Variants in HIPK2 observed in about 807,000 individuals in gnomAD.
The protein encoded by HIPK2 is homeodomain-interacting protein kinase 2.
HIPK2 carries 27 observed loss-of-function variants against 113.7 expected under a neutral mutation model. The ratio of observed to expected loss-of-function variants is 0.24; its 90% CI spans 0.17 to 0.33. The LOEUF (loss-of-function observed/expected upper bound fraction) is 0.33, where lower values mean the gene tolerates loss of function less well. HIPK2 is among the 10% of genes least tolerant of loss of function. The pLI is 1.00. For missense variants in HIPK2, 1,257 were observed against 1,588.0 expected, an observed-to-expected ratio of 0.79 and a Z score of 3.54; for synonymous variants, 631 against 642.2, an observed-to-expected ratio of 0.98 and a Z score of 0.26.
intron 2 of HIPK2, among the ~76,000 whole-genome samples, chr7:139,689,356 T>G (rs1028165939): frequency 6.6e-6 from 1 of 152,216 alleles, no homozygotes; most frequent in African/African-American, 2.4e-5. Flanking sequence ...AGGATTAAGA[T>G]TTAGGCAGTC....
In HIPK2 at chr7:139,683,680, T is replaced by TGGCAATGGCATTCATACCATTGGCA. The variant is rs1794126080; in HGVS notation, c.1103+32227_1103+32251dup. On this transcript the variant is annotated intron_variant, in intron 2 of 14. Transcript: ENST00000406875. This position sits in a 1 kb window ranked among gnomAD's most constrained non-coding sequence, Gnocchi z 4.2. ...GAGGTTGGCTGCCACTGTCATACCC[T>TGGCAATGGCATTCATACCATTGGCA]GGCAATGGCATTCATACCATTGGCA... Among the ~76,000 whole-genome samples, 1 of 152,128 alleles carries TGGCAATGGCATTCATACCATTGGCA rather than the reference T, an allele frequency of 6.6e-6. No homozygotes were observed. The highest frequency in any genetic ancestry group is 1.5e-5 in the Non-Finnish European group (1 of 68,010).
chr7:139,701,886 G>T, intron 2 of HIPK2, among the ~76,000 whole-genome samples: 1 of 152,188 alleles, frequency 6.6e-6, no homozygotes, highest in East Asian at 1.9e-4. Context: ...CGTGCAGACT[G>T]GAACGGACGG....
intron 2 of HIPK2, among the ~76,000 whole-genome samples, chr7:139,700,522 C>G (rs1401932914): frequency 6.6e-6 from 1 of 152,256 alleles, no homozygotes; most frequent in Non-Finnish European, 1.5e-5. Flanking sequence ...AAATAGAGAG[C>G]CATGCACCCA....
intron 2 of HIPK2, among the ~76,000 whole-genome samples, chr7:139,707,709 G>A (rs1794943491): frequency 6.6e-6 from 1 of 152,222 alleles, no homozygotes; most frequent in African/African-American, 2.4e-5. Flanking sequence ...CACAGTGTAT[G>A]GCACATCTTC....
At chr7:139,607,297 A>G (rs1024470853) in intron 9 of HIPK2, among the ~76,000 whole-genome samples, 5 of 152,074 alleles carry the variant, frequency 3.3e-5, no homozygotes, top group African/African-American at 1.2e-4. Context: ...AACAGAGAAA[A>G]TGGAGGGGAA....
Position 139,683,101 on chromosome 7 carries a change from G to T in HIPK2, c.1103+32831C>A, listed in dbSNP as rs1046138164. On this transcript the variant is annotated intron_variant, in intron 2 of 14. Transcript: ENST00000406875. This position sits in a 1 kb window ranked among gnomAD's most constrained non-coding sequence, Gnocchi z 4.2. ...CGCCACTCAGTAAGGTCACTCCTGG[G>T]TTGATGAACAAAACCTTGCTGTTTG... Among the ~76,000 whole-genome samples, 1 of 152,296 alleles carries T rather than the reference G, an allele frequency of 6.6e-6. No individual in the cohort carries two copies. The highest frequency in any genetic ancestry group is 2.1e-4 in the South Asian group (1 of 4,818).
intron 2 of HIPK2, among the ~76,000 whole-genome samples, chr7:139,696,355 T>C (rs1391445810): frequency 2.0e-5 from 3 of 152,102 alleles, no homozygotes; most frequent in African/African-American, 7.2e-5. Context: ...GGAGGATCAC[T>C]TGAGGCCAGG....
At chr7:139,670,350 G>A (rs1802219447) in intron 2 of HIPK2, among the ~76,000 whole-genome samples, 1 of 151,990 alleles carries the variant, frequency 6.6e-6, no homozygotes, top group African/African-American at 2.4e-5. Flanking sequence ...GTGGTAGGCT[G>A]AAGAGGGAGG....
intron 2 of HIPK2, among the ~76,000 whole-genome samples, chr7:139,704,435 AACATACACACCCCCAACACATACC>A (rs1363483100): frequency 1.4e-5 from 2 of 140,636 alleles, no homozygotes; most frequent in African/African-American, 2.7e-5. Flanking sequence ...CACTATACCC[AACATACACACCCCCAACACATACC>A]ACACACACAC....
rs745936379 is a variant in HIPK2, at chr7:139,716,621, G to T, written c.414C>A (p.Ile138=). ...KCGLKRKSEE[I]ENTSSVQIIE... is the part of the protein sequence containing the mutation. Reference sequence around the variant, plus strand: ...TGATCTGCACGCTGCTTGTGTTCTCGATCTCCTCGCTCTTACGCTTGAGTC... The same window carrying T: ...TGATCTGCACGCTGCTTGTGTTCTCTATCTCCTCGCTCTTACGCTTGAGTC... The change falls in exon 2 of 15, where the codon ATC becomes ATA. Residue 138 remains isoleucine, a synonymous_variant. Coordinates refer to ENST00000406875, the MANE Select transcript of HIPK2 (RefSeq NM_022740.5). This position sits in a 1 kb window ranked among gnomAD's most constrained non-coding sequence, Gnocchi z 9.3. 1 of 1,613,944 alleles carries T rather than the reference G, an allele frequency of 6.2e-7. No individual in the cohort carries two copies. Among genetic ancestry groups the T allele is most frequent in the Non-Finnish European group, 8.5e-7 (1 of 1,179,884 alleles).
intron 13 of HIPK2, among the ~76,000 whole-genome samples, chr7:139,580,228 T>C (rs1585233223): frequency 6.6e-6 from 1 of 152,100 alleles, no homozygotes. Context: ...CCTGGGCATT[T>C]TGTGGTAATG....
intron 6 of HIPK2, among the ~76,000 whole-genome samples, chr7:139,622,661 G>A (rs1800274701): frequency 6.6e-6 from 1 of 152,158 alleles, no homozygotes. Flanking sequence ...TCAGCTCCCA[G>A]GGCAGGGGCG....
intron 2 of HIPK2, among the ~76,000 whole-genome samples, chr7:139,675,136 G>A (rs754253433): frequency 1.8e-4 from 27 of 152,254 alleles, no homozygotes; most frequent in African/African-American, 9.6e-5. Flanking sequence ...TGCTCTTACC[G>A]TTATTAACCT....
chr7:139,632,541 T>TCA (rs1364846863), intron 2 of HIPK2, among the ~76,000 whole-genome samples: 1 of 152,198 alleles, frequency 6.6e-6, no homozygotes, highest in Non-Finnish European at 1.5e-5. Context: ...GAGTCTGGTA[T>TCA]CAACCAGGAT....
intron 2 of HIPK2, among the ~76,000 whole-genome samples, chr7:139,707,967 C>T (rs1013730069): frequency 6.6e-6 from 1 of 152,042 alleles, no homozygotes; most frequent in Non-Finnish European, 1.5e-5. Context: ...TCCTATGGTA[C>T]CCCCCAATTA....
rs1347422447 is a variant in HIPK2 at position 139,571,193 on chromosome 7, C to G, written c.*1734G>C. The G allele has an allele frequency of 6.6e-6, 1 of 152,296 alleles. No homozygotes were observed. Among genetic ancestry groups the G allele is most frequent in the Non-Finnish European group, 1.5e-5 (1 of 68,098 alleles). The allele number at this position is 152,296 out of a possible 1,614,324, so 9.4% of individuals were successfully genotyped here. ...TGTGAGGAGAGAATTCAACAGCAAA[C>G]AGAGGTTGGTGGTTGTCTACAGAGG... On this transcript the variant is annotated 3_prime_UTR_variant, in exon 15 of 15. Coordinates refer to ENST00000406875, the MANE Select transcript of HIPK2 (RefSeq NM_022740.5).
chr7:139,709,785 T>C (rs1795008310), intron 2 of HIPK2, among the ~76,000 whole-genome samples: 1 of 152,242 alleles, frequency 6.6e-6, no homozygotes, highest in African/African-American at 2.4e-5. Flanking sequence ...TATTTCTTTA[T>C]AGCAGTGGTG....
At chr7:139,614,702 G>A (rs1427681749) in intron 7 of HIPK2, among the ~76,000 whole-genome samples, 1 of 152,200 alleles carries the variant, frequency 6.6e-6, no homozygotes. Flanking sequence ...ATGGGAGACA[G>A]TCACCTTGGT....
intron 2 of HIPK2, among the ~76,000 whole-genome samples, chr7:139,641,777 A>G (rs1175186216): frequency 6.6e-6 from 1 of 152,210 alleles, no homozygotes; most frequent in East Asian, 1.9e-4. Context: ...ACCAGAGTCA[A>G]TGTCTTGCTC....
Sources: gnomAD v4.1 joint callset for allele counts (sites outside exome capture counted in the v4.1 genomes callset) on GRCh38, gnomAD v4.1.1 for gene constraint, Gnocchi (gnomAD v3.1) non-coding constraint, MANE v1.5 for transcripts, NCBI Gene and HGNC (gene_info 2026-07-23, HGNC 2026-07-21) for gene names.